The following UNKL variants were observed in gnomAD, a reference collection of about 807,000 sequenced individuals.
UNKL encodes putative E3 ubiquitin-protein ligase UNKL.
Under a neutral mutation model 78.0 loss-of-function variants are expected in UNKL, and 60 were observed. The observed-to-expected ratio is 0.77, with a 90% confidence interval of 0.63 to 0.95. The LOEUF (loss-of-function observed/expected upper bound fraction) is 0.95, where lower values mean the gene tolerates loss of function less well. UNKL is among the 40% of genes least tolerant of loss of function. The probability of loss-of-function intolerance (pLI) is 0.00; values close to 1 mark genes in which losing one functional copy is unlikely to be tolerated. For missense variants in UNKL, 1,159 were observed against 1,045.7 expected, an observed-to-expected ratio of 1.11 and a Z score of -1.49; for synonymous variants, 608 against 474.8, an observed-to-expected ratio of 1.28 and a Z score of -3.65.
intron 6 of UNKL, chr16:1,394,469 A>G: frequency 1.5e-6 from 1 of 664,092 alleles, no homozygotes; most frequent in Non-Finnish European, 2.8e-6. Flanking sequence ...CATCACAGGC[A>G]AAGTCATTTC....
rs943301526 is a variant in UNKL at position 1,402,222 on chromosome 16, G to A, written c.465-521C>T. On this transcript the variant is annotated intron_variant, in intron 3 of 14. Coordinates refer to ENST00000389221, the MANE Select transcript of UNKL (RefSeq NM_001372107.1). Reference sequence around the variant, plus strand: ...AGAAGAGAAACACACAGTGAGAAGAGCTGAAGGACTGTCTGCCCCAGACTG... The same window carrying A: ...AGAAGAGAAACACACAGTGAGAAGAACTGAAGGACTGTCTGCCCCAGACTG... Among the ~76,000 whole-genome samples the A allele has an allele frequency of 4.7e-5, 7 of 148,056 alleles. No individual in the cohort carries two copies. In the Admixed American group the frequency reaches 4.8e-4, roughly 10 times the overall value.
At chr16:1,383,863 C>T (rs2036706387) in intron 10 of UNKL, 1 of 410,816 alleles carries the variant, frequency 2.4e-6, no homozygotes, top group African/African-American at 2.0e-5. Flanking sequence ...TCCTCCTGAT[C>T]CCATGCCCAG....
intron 2 of UNKL, among the ~76,000 whole-genome samples, chr16:1,408,066 C>A (rs1206904542): frequency 6.6e-6 from 1 of 152,022 alleles, no homozygotes; most frequent in Non-Finnish European, 1.5e-5. Flanking sequence ...GATCGAGCCA[C>A]GGCACTCCAG....
chr16:1,365,520 A>G lies in UNKL; in HGVS notation c.*720T>C, dbSNP rs534786226. On this transcript the variant is annotated 3_prime_UTR_variant, in exon 15 of 15. Transcript: ENST00000389221. ...GCCACGAGGCTGGAACATCAGCCCC[A>G]GTGCCTGGTGCACACACAGGCTCAG... 6.5e-6 allele frequency: 1 copy of G among 152,686 alleles called. No individual in the cohort carries two copies. The highest frequency in any genetic ancestry group is 2.4e-5 in the African/African-American group (1 of 41,596). 9.5% of individuals were successfully genotyped at this position (152,686 alleles called of 1,614,324 possible).
intron 12 of UNKL, among the ~76,000 whole-genome samples, chr16:1,369,162 C>T (rs1326314429): frequency 6.8e-6 from 1 of 146,412 alleles, no homozygotes; most frequent in East Asian, 2.2e-4. Context: ...CTCCGACTCC[C>T]GGGTTCAAGC....
chr16:1,387,352 G>A lies in UNKL; in HGVS notation c.1087-1967C>T, dbSNP rs1429515912. On this transcript the variant is annotated intron_variant, in intron 9 of 14. Transcript: ENST00000389221. This position sits in a 1 kb window ranked among gnomAD's most constrained non-coding sequence, Gnocchi z 4.1. ...AGCCCAGAAACACTATGGGTGATTC[G>A]AGACCTGGTGCCATCTCAGTGGCAA... Among the ~76,000 whole-genome samples the A allele has an allele frequency of 2.6e-5, 4 of 152,170 alleles. No individual in the cohort carries two copies. Among genetic ancestry groups the A allele is most frequent in the African/African-American group, 7.2e-5 (3 of 41,440 alleles).
At chr16:1,402,542 A>G (rs947562180) in intron 3 of UNKL, among the ~76,000 whole-genome samples, 1 of 152,208 alleles carries the variant, frequency 6.6e-6, no homozygotes, top group African/African-American at 2.4e-5. Context: ...GTGCGCCTGT[A>G]GTCCCAGCTA....
Position 1,363,505 on chromosome 16 carries a change from C to T in UNKL, c.*2735G>A, listed in dbSNP as rs779865354. On this transcript the variant is annotated 3_prime_UTR_variant, in exon 15 of 15. Coordinates refer to ENST00000389221, the MANE Select transcript of UNKL (RefSeq NM_001372107.1). ...CACACGTCGTGACACCACTGTATCACGGCGAATGTCGAACACTAGAGTTAC... is the reference window on the plus strand; with the variant it reads ...CACACGTCGTGACACCACTGTATCATGGCGAATGTCGAACACTAGAGTTAC... The T allele has an allele frequency of 1.4e-5, 4 of 277,484 alleles. No individual in the cohort carries two copies. The highest frequency in any genetic ancestry group is 2.2e-5 in the African/African-American group (1 of 44,730). 17.2% of individuals were successfully genotyped at this position (277,484 alleles called of 1,614,324 possible).
chr16:1,371,860 A>G (rs1336098263), intron 10 of UNKL, among the ~76,000 whole-genome samples: 2 of 152,210 alleles, frequency 1.3e-5, no homozygotes, highest in African/African-American at 2.4e-5. Context: ...ACCACAGACC[A>G]GCAGCTGGGT....
At chr16:1,388,344 C>T (rs940210934) in intron 9 of UNKL, among the ~76,000 whole-genome samples, 2 of 151,766 alleles carry the variant, frequency 1.3e-5, no homozygotes, top group African/African-American at 2.4e-5. Flanking sequence ...GCTCCCAAAG[C>T]GCTGCCCGGC....
intron 12 of UNKL, chr16:1,369,907 G>A (rs878906547): frequency 5.9e-6 from 9 of 1,528,190 alleles, no homozygotes; most frequent in African/African-American, 4.1e-5. Context: ...CCTGGGAGGC[G>A]GAGGTTGCGG....
At chr16:1,389,297 G>A (rs976455161) in intron 9 of UNKL, among the ~76,000 whole-genome samples, 2 of 152,190 alleles carry the variant, frequency 1.3e-5, no homozygotes, top group Admixed American at 6.5e-5. Flanking sequence ...GGTGAAATGA[G>A]TTCTTACTCC....
At chr16:1,388,892 G>A (rs1166712013) in intron 9 of UNKL, among the ~76,000 whole-genome samples, 38 of 151,900 alleles carry the variant, frequency 2.5e-4, no homozygotes, top group Admixed American at 2.5e-3. Flanking sequence ...TTTCTTCTCT[G>A]TATTATAGTG....
rs569811071 is a variant in UNKL, at chr16:1,365,464, G to A, written c.*776C>T. The A allele has an allele frequency of 6.6e-6, 1 of 152,588 alleles. No individual in the cohort carries two copies. Among genetic ancestry groups the A allele is most frequent in the East Asian group, 1.9e-4 (1 of 5,186 alleles). The allele number at this position is 152,588 out of a possible 1,614,324, so 9.5% of individuals were successfully genotyped here. A position where few individuals can be genotyped will look rare whatever the true frequency, so the allele number is the denominator to read the frequency against. On this transcript the variant is annotated 3_prime_UTR_variant, in exon 15 of 15. Coordinates refer to ENST00000389221, the MANE Select transcript of UNKL (RefSeq NM_001372107.1). Reference sequence around the variant, plus strand: ...ACAGAAACAGCGGCCACGGACCACAGAAATGCAGGACGGAGCTCTCCTGCT... The same window carrying A: ...ACAGAAACAGCGGCCACGGACCACAAAAATGCAGGACGGAGCTCTCCTGCT...
intron 5 of UNKL, chr16:1,398,679 G>GCGGGCCCCCCCCCCCCCCC: frequency 7.4e-7 from 1 of 1,356,376 alleles, no homozygotes; most frequent in Non-Finnish European, 9.5e-7. Flanking sequence ...TGTGGGGTCT[G>GCGGGCCCCCCCCCCCCCCC]CACCCCCCCA....
intron 10 of UNKL, among the ~76,000 whole-genome samples, chr16:1,380,673 A>ACTTTT (rs2036571378): frequency 1.0e-5 from 1 of 99,408 alleles, no homozygotes; most frequent in African/African-American, 4.0e-5. Flanking sequence ...CTGGTTCAGG[A>ACTTTT]TTTTTTTTTT....
At chr16:1,408,495 G>C (rs1284143569) in intron 2 of UNKL, 1 of 155,080 alleles carries the variant, frequency 6.4e-6, no homozygotes, top group East Asian at 1.9e-4. Flanking sequence ...GGCACCCACG[G>C]GGGCAGGCAC....
intron 10 of UNKL, chr16:1,383,670 G>A: frequency 2.4e-6 from 1 of 421,386 alleles, no homozygotes; most frequent in South Asian, 1.6e-5. Flanking sequence ...AGTTCCGTGT[G>A]GGGCAACCAC....
At chr16:1,405,659 G>C (rs892819536) in intron 2 of UNKL, among the ~76,000 whole-genome samples, 2 of 152,038 alleles carry the variant, frequency 1.3e-5, no homozygotes, top group African/African-American at 4.8e-5. Flanking sequence ...GAATACCTAA[G>C]AGAAAGCACA....
Sources: allele counts gnomAD v4.1 joint callset (sites outside exome capture counted in the v4.1 genomes callset), GRCh38; gene constraint gnomAD v4.1.1; non-coding constraint Gnocchi (gnomAD v3.1); transcripts MANE v1.5; gene names NCBI Gene and HGNC (gene_info 2026-07-23, HGNC 2026-07-21).